Variants in PROSER2 observed in about 807,000 individuals in gnomAD.
PROSER2 encodes proline and serine-rich protein 2.
A neutral mutation model predicts 14.6 loss-of-function variants in PROSER2; 18 were observed. That is an observed-to-expected ratio of 1.23 (90% CI 0.85 to 1.83). The LOEUF (loss-of-function observed/expected upper bound fraction) is 1.83, where lower values mean the gene tolerates loss of function less well. Ranked by LOEUF, PROSER2 falls within the 40% of genes most tolerant of loss-of-function variation. PROSER2 has a pLI of 0.00. For synonymous variants in PROSER2, 367 were observed against 286.4 expected, an observed-to-expected ratio of 1.28 and a Z score of -2.84; for missense variants, 823 against 629.8, an observed-to-expected ratio of 1.31 and a Z score of -3.28.
intron 2 of PROSER2, among the ~76,000 whole-genome samples, chr10:11,857,758 A>AAG (rs1208791859): frequency 4.7e-5 from 7 of 149,418 alleles, no homozygotes; most frequent in African/African-American, 7.6e-5. Context: ...AAAAAAAAAA[A>AAG]AAAAAAGAAA....
chr10:11,866,403 G>T lies in PROSER2; in HGVS notation c.139-128G>T. On this transcript the variant is annotated intron_variant, in intron 2 of 3. Coordinates refer to ENST00000277570, the MANE Select transcript of PROSER2 (RefSeq NM_153256.4). The surrounding 1 kb of genome is among the most constrained non-coding windows in gnomAD (Gnocchi z 6.0). ...AGGCACACGCAGGCACTGTGTGGCA[G>T]GGTACTCTCGGGACACAGTGAGTTC... The T allele has an allele frequency of 9.3e-7, 1 of 1,077,606 alleles. No individual in the cohort carries two copies. The highest frequency in any genetic ancestry group is 1.4e-6 in the Non-Finnish European group (1 of 735,042). 66.8% of individuals were successfully genotyped at this position (1,077,606 alleles called of 1,614,324 possible).
In PROSER2 at chr10:11,830,757, C is replaced by G. The variant is rs1022484077; in HGVS notation, c.-82+7287C>G. ...TTTTTCAACAAACATTTGGTGGTCC[C>G]CATTGCTTAAAAATGTGCTAAAAAC... is the stretch of plus-strand genomic sequence containing the variant. On this transcript the variant is annotated intron_variant, in intron 1 of 3. Coordinates refer to ENST00000277570, the MANE Select transcript of PROSER2 (RefSeq NM_153256.4). The surrounding 1 kb of genome is among the most constrained non-coding windows in gnomAD (Gnocchi z 4.5). Among the ~76,000 whole-genome samples, 1 of 152,146 alleles carries G rather than the reference C, an allele frequency of 6.6e-6. No individual in the cohort carries two copies. Among genetic ancestry groups the G allele is most frequent in the African/African-American group, 2.4e-5 (1 of 41,424 alleles).
Position 11,870,484 on chromosome 10 carries a change from G to A in PROSER2, c.*78G>A. 8.1e-7 allele frequency: 1 copy of A among 1,239,430 alleles called. No individual in the cohort carries two copies. The highest frequency in any genetic ancestry group is 1.1e-6 in the Non-Finnish European group (1 of 938,286). 76.8% of individuals were successfully genotyped at this position (1,239,430 alleles called of 1,614,324 possible). A position where few individuals can be genotyped will look rare whatever the true frequency, so the allele number is the denominator to read the frequency against. ...GAAAGAGTCGCTGCACCCAGGAGCTGTTTGGTCTAAAATGGAAGTGACAGC... is the reference window on the plus strand; with the variant it reads ...GAAAGAGTCGCTGCACCCAGGAGCTATTTGGTCTAAAATGGAAGTGACAGC... On this transcript the variant is annotated 3_prime_UTR_variant, in exon 4 of 4. Coordinates refer to ENST00000277570, the MANE Select transcript of PROSER2 (RefSeq NM_153256.4).
intron 2 of PROSER2, among the ~76,000 whole-genome samples, chr10:11,863,722 C>CT (rs1834289493): frequency 6.6e-6 from 1 of 152,130 alleles, no homozygotes; most frequent in Admixed American, 6.5e-5. Context: ...TGACATATTG[C>CT]TATATATCCT....
intron 1 of PROSER2, among the ~76,000 whole-genome samples, chr10:11,848,365 C>T (rs1386992949): frequency 2.0e-5 from 3 of 152,176 alleles, no homozygotes; most frequent in African/African-American, 7.2e-5. Flanking sequence ...GACGGGGTTT[C>T]GCCATGTTGG....
Position 11,871,832 on chromosome 10 carries a change from T to C in PROSER2, c.*1426T>C, listed in dbSNP as rs1834495163. On this transcript the variant is annotated 3_prime_UTR_variant, in exon 4 of 4. Coordinates refer to ENST00000277570, the MANE Select transcript of PROSER2 (RefSeq NM_153256.4). ...CTTAAATTCAGGCTTAAATGTGCTATGAAGGGCATTTTTCATAGTATCCCA... is the reference window on the plus strand; with the variant it reads ...CTTAAATTCAGGCTTAAATGTGCTACGAAGGGCATTTTTCATAGTATCCCA... 6.6e-6 allele frequency: 1 copy of C among 152,194 alleles called. No individual in the cohort carries two copies. Among genetic ancestry groups the C allele is most frequent in the Non-Finnish European group, 1.5e-5 (1 of 67,990 alleles). The allele number at this position is 152,194 out of a possible 1,614,324, so 9.4% of individuals were successfully genotyped here. A position where few individuals can be genotyped will look rare whatever the true frequency, so the allele number is the denominator to read the frequency against.
At chr10:11,860,625 G>A (rs1834217932) in intron 2 of PROSER2, among the ~76,000 whole-genome samples, 1 of 150,578 alleles carries the variant, frequency 6.6e-6, no homozygotes, top group African/African-American at 2.4e-5. Context: ...AAAAAAAAAA[G>A]AAAATGGATT....
In PROSER2 at chr10:11,866,124, G is replaced by A. The variant is rs190885959; in HGVS notation, c.139-407G>A. On this transcript the variant is annotated intron_variant, in intron 2 of 3. Coordinates refer to ENST00000277570, the MANE Select transcript of PROSER2 (RefSeq NM_153256.4). This position sits in a 1 kb window ranked among gnomAD's most constrained non-coding sequence, Gnocchi z 6.0. The stretch of plus-strand genomic sequence containing the variant: ...AAAAAAAATCCCTTCGTTTTAGTAC[G>A]GTTTCTGGTGAGAAAGGAGATAAAT... Among the ~76,000 whole-genome samples, 8 of 152,218 alleles carry A rather than the reference G, an allele frequency of 5.3e-5. No homozygotes were observed. The highest frequency in any genetic ancestry group is 1.9e-4 in the East Asian group (1 of 5,176).
intron 2 of PROSER2, among the ~76,000 whole-genome samples, chr10:11,857,896 G>A (rs942518960): frequency 6.6e-6 from 1 of 152,142 alleles, no homozygotes; most frequent in African/African-American, 2.4e-5. Flanking sequence ...CTCACAGGGG[G>A]TTGCCACAAT....
chr10:11,829,151 T>A (rs1833656494), intron 1 of PROSER2, among the ~76,000 whole-genome samples: 1 of 151,940 alleles, frequency 6.6e-6, no homozygotes, highest in African/African-American at 2.4e-5. Flanking sequence ...ATGGAGGGAT[T>A]AACTTGAAGT....
intron 1 of PROSER2, among the ~76,000 whole-genome samples, chr10:11,825,104 T>A (rs117404584): frequency 0.018 from 2,793 of 152,260 alleles, 48 homozygotes; most frequent in Admixed American, 0.04. Context: ...GGTTCCAAAG[T>A]TCTTAGACAC....
At position 11,830,246 on chromosome 10, in the gene PROSER2, T is replaced by C. The variant is rs1250490948; in HGVS notation, c.-82+6776T>C. 6.6e-6 allele frequency among the ~76,000 whole-genome samples: 1 copy of C among 152,166 alleles called. No individual in the cohort carries two copies. Among genetic ancestry groups the C allele is most frequent in the African/African-American group, 2.4e-5 (1 of 41,440 alleles). On this transcript the variant is annotated intron_variant, in intron 1 of 3. Coordinates refer to ENST00000277570, the MANE Select transcript of PROSER2 (RefSeq NM_153256.4). The surrounding 1 kb of genome is among the most constrained non-coding windows in gnomAD (Gnocchi z 4.5). Reference sequence around the variant, plus strand: ...CACTCTGTGCATTTATGTGGACCCATCGTTTAGTTCCCACTTGTGAGAACA... The same window carrying C: ...CACTCTGTGCATTTATGTGGACCCACCGTTTAGTTCCCACTTGTGAGAACA...
rs1375907809 is a variant in PROSER2, at chr10:11,871,893, A to G, written c.*1487A>G. ...AAGTTATATAAAGTGCATGATTATA[A>G]TTTTTTCCTTAGAAATGCAATATTT... On this transcript the variant is annotated 3_prime_UTR_variant, in exon 4 of 4. Transcript: ENST00000277570. The G allele has an allele frequency of 3.3e-5, 5 of 152,188 alleles. No homozygotes were observed. Among genetic ancestry groups the G allele is most frequent in the Non-Finnish European group, 5.9e-5 (4 of 68,036 alleles). 9.4% of individuals were successfully genotyped at this position (152,188 alleles called of 1,614,324 possible). A position where few individuals can be genotyped will look rare whatever the true frequency, so the allele number is the denominator to read the frequency against.
At chr10:11,828,105 A>G (rs1168935523) in intron 1 of PROSER2, among the ~76,000 whole-genome samples, 1 of 152,046 alleles carries the variant, frequency 6.6e-6, no homozygotes, top group Non-Finnish European at 1.5e-5. Flanking sequence ...TCAGCCCCCA[A>G]TAGCTGTGTG....
rs5783233 is a variant in PROSER2 at position 11,833,235 on chromosome 10, C to CTTTTTTTTTT, written c.-82+9777_-82+9786dup. Among the ~76,000 whole-genome samples the CTTTTTTTTTT allele has an allele frequency of 2.1e-4, 18 of 87,658 alleles. 4 individuals are homozygous for CTTTTTTTTTT. The highest frequency in any genetic ancestry group is 6.2e-4 in the African/African-American group (13 of 20,936). The allele number at this position is 87,658 out of a possible 152,430, so 57.5% of individuals were successfully genotyped here. On this transcript the variant is annotated intron_variant, in intron 1 of 3. Coordinates refer to ENST00000277570, the MANE Select transcript of PROSER2 (RefSeq NM_153256.4). Reference sequence around the variant, plus strand: ...ACAAGTATTATACAAAATGTTGTGGCTTTTTTTTTTTTTTTTTTTTTAGTT... The same window carrying CTTTTTTTTTT: ...ACAAGTATTATACAAAATGTTGTGGCTTTTTTTTTTTTTTTTTTTTTTTTTTTTTTTAGTT...
chr10:11,826,210 C>T (rs990642436), intron 1 of PROSER2, among the ~76,000 whole-genome samples: 1 of 152,098 alleles, frequency 6.6e-6, no homozygotes, highest in Non-Finnish European at 1.5e-5. Flanking sequence ...TCGTTGCTTC[C>T]CTCCTTTTTA....
chr10:11,836,586 C>T lies in PROSER2; in HGVS notation c.-82+13116C>T, dbSNP rs755169845. On this transcript the variant is annotated intron_variant, in intron 1 of 3. Coordinates refer to ENST00000277570, the MANE Select transcript of PROSER2 (RefSeq NM_153256.4). This position sits in a 1 kb window ranked among gnomAD's most constrained non-coding sequence, Gnocchi z 4.6. ...TTCACAAAATTCATGGTATGCACGCCGGCCCCTTCCTAGCGTGTAGGTGTG... is the reference window on the plus strand; with the variant it reads ...TTCACAAAATTCATGGTATGCACGCTGGCCCCTTCCTAGCGTGTAGGTGTG... Among the ~76,000 whole-genome samples, 31 of 152,134 alleles carry T rather than the reference C, an allele frequency of 2.0e-4. No homozygotes were observed. Among genetic ancestry groups the T allele is most frequent in the Non-Finnish European group, 2.9e-4 (20 of 68,014 alleles).
chr10:11,831,477 A>C (rs2131047063), intron 1 of PROSER2, among the ~76,000 whole-genome samples: 1 of 152,312 alleles, frequency 6.6e-6, no homozygotes, highest in South Asian at 2.1e-4. Flanking sequence ...CCAGCTGTCC[A>C]TTTTTCAAAA....
rs552326015 is a variant in PROSER2 at position 11,837,343 on chromosome 10, T to A, written c.-82+13873T>A. On this transcript the variant is annotated intron_variant, in intron 1 of 3. Transcript: ENST00000277570. This position sits in a 1 kb window ranked among gnomAD's most constrained non-coding sequence, Gnocchi z 4.6. ...TGTCACACTTCATACGTTCAAGTTA[T>A]GACCACTGTGTGACAAGTGCTTAGG... Among the ~76,000 whole-genome samples the A allele has an allele frequency of 6.6e-6, 1 of 152,378 alleles. No individual in the cohort carries two copies. The highest frequency in any genetic ancestry group is 1.9e-4 in the East Asian group (1 of 5,190).
Sources: allele counts gnomAD v4.1 joint callset (sites outside exome capture counted in the v4.1 genomes callset), GRCh38; gene constraint gnomAD v4.1.1; non-coding constraint Gnocchi (gnomAD v3.1); transcripts MANE v1.5; gene names NCBI Gene and HGNC (gene_info 2026-07-23, HGNC 2026-07-21).